The following PARP11 variants were observed in gnomAD, a reference collection of about 807,000 sequenced individuals.
The protein encoded by PARP11 is poly(ADP-ribose) polymerase family member 11.
A neutral mutation model predicts 42.9 loss-of-function variants in PARP11; 31 were observed. The ratio of observed to expected loss-of-function variants is 0.72; its 90% CI spans 0.54 to 0.98. The LOEUF is 0.98. PARP11 is among the 50% of genes least tolerant of loss of function. PARP11 has a pLI of 0.00. For synonymous variants in PARP11, 137 were observed against 127.3 expected, an observed-to-expected ratio of 1.08 and a Z score of -0.51; for missense variants, 365 against 413.1, an observed-to-expected ratio of 0.88 and a Z score of 1.01.
At chr12:3,841,267 C>G (rs749404761) in intron 1 of PARP11, 1 of 1,344,866 alleles carries the variant, frequency 7.4e-7, no homozygotes, top group Non-Finnish European at 1.1e-6. Flanking sequence ...TAAGAATATT[C>G]TTCGATTCTT....
At chr12:3,867,785 G>A (rs1948416125) in intron 1 of PARP11, among the ~76,000 whole-genome samples, 2 of 152,122 alleles carry the variant, frequency 1.3e-5, no homozygotes, top group Admixed American at 1.3e-4. Context: ...GTCAAAAAAT[G>A]ACTTAAGAAT....
At chr12:3,815,560 A>G (rs1388890221) in intron 6 of PARP11, among the ~76,000 whole-genome samples, 1 of 152,222 alleles carries the variant, frequency 6.6e-6, no homozygotes, top group Non-Finnish European at 1.5e-5. Context: ...GTTAACAAGA[A>G]TCTGCTGGAT....
At chr12:3,849,318 G>GA (rs977239176) in intron 1 of PARP11, among the ~76,000 whole-genome samples, 4 of 151,690 alleles carry the variant, frequency 2.6e-5, no homozygotes, top group Admixed American at 6.6e-5. Flanking sequence ...ATACCTAAAA[G>GA]AAAAAAAATC....
intron 1 of PARP11, among the ~76,000 whole-genome samples, chr12:3,847,651 C>T (rs1240417564): frequency 1.3e-5 from 2 of 152,100 alleles, no homozygotes; most frequent in South Asian, 2.1e-4. Flanking sequence ...CCTCAACAAA[C>T]TGGATATAGA....
At position 3,812,348 on chromosome 12, in the gene PARP11, G is replaced by A. The variant is rs1228720017; in HGVS notation, c.792C>T (p.Ser264=). 1 of 1,614,108 alleles carries A rather than the reference G, an allele frequency of 6.2e-7. No homozygotes were observed. The highest frequency in any genetic ancestry group is 1.7e-5 in the Admixed American group (1 of 60,028). Residue 264 remains serine, a synonymous_variant, in exon 8 of 8, where the codon AGC becomes AGT. Transcript: ENST00000228820. ...TTCTAAACAGATGCCGCTGTTGCAA[G>A]CTGACACCATGAATTTGGAATGTGT... ...HGNTFQIHGV[S]LQQRHLFRTY... is the part of the protein sequence containing the mutation.
At chr12:3,826,587 G>C (rs567886245) in intron 3 of PARP11, among the ~76,000 whole-genome samples, 4 of 152,354 alleles carry the variant, frequency 2.6e-5, no homozygotes, top group South Asian at 4.1e-4. Context: ...ACTAGAAAGA[G>C]AGAAATTACA....
At position 3,840,561 on chromosome 12, in the gene PARP11, A is replaced by T; in HGVS notation, c.19-10543T>A. 1 of 1,568,138 alleles carries T rather than the reference A, an allele frequency of 6.4e-7. No homozygotes were observed. The highest frequency in any genetic ancestry group is 8.8e-7 in the Non-Finnish European group (1 of 1,138,296). On this transcript the variant is annotated intron_variant, in intron 1 of 7. Coordinates refer to ENST00000228820, the MANE Select transcript of PARP11 (RefSeq NM_020367.6). The surrounding 1 kb of genome is among the most constrained non-coding windows in gnomAD (Gnocchi z 4.4). ...GGACACCTTCACAGATCATAAGAAAACCTGATCGTGAAAGAGTTGAGGATT... is the reference window on the plus strand; with the variant it reads ...GGACACCTTCACAGATCATAAGAAATCCTGATCGTGAAAGAGTTGAGGATT...
chr12:3,812,984 T>A (rs930226912), intron 7 of PARP11, among the ~76,000 whole-genome samples: 8 of 152,284 alleles, frequency 5.3e-5, no homozygotes, highest in East Asian at 3.9e-4. Flanking sequence ...TATATTTTTT[T>A]AGTAGAGACA....
chr12:3,823,713 C>T (rs745425871), intron 4 of PARP11, among the ~76,000 whole-genome samples: 4 of 152,084 alleles, frequency 2.6e-5, no homozygotes, highest in African/African-American at 4.8e-5. Context: ...CTTAGGAGTT[C>T]GAGACCAGCC....
At chr12:3,829,065 T>G (rs200998166) in intron 2 of PARP11, 35 bp from the exon 3 acceptor site, 1 of 1,612,024 alleles carries the variant, frequency 6.2e-7, no homozygotes, top group Non-Finnish European at 8.5e-7. Flanking sequence ...ATTTACCAGC[T>G]GTTCACATTA....
At chr12:3,858,283 G>A (rs1006993234) in intron 1 of PARP11, among the ~76,000 whole-genome samples, 2 of 152,110 alleles carry the variant, frequency 1.3e-5, no homozygotes, top group Non-Finnish European at 2.9e-5. Context: ...TAATTAAAAT[G>A]GTTCTGAATC....
At chr12:3,836,870 A>G (rs1038011502) in intron 1 of PARP11, among the ~76,000 whole-genome samples, 7 of 152,180 alleles carry the variant, frequency 4.6e-5, no homozygotes, top group African/African-American at 1.7e-4. Flanking sequence ...TCAAGCATAC[A>G]GAAAACTTTC....
Position 3,840,150 on chromosome 12 carries a change from A to G in PARP11, c.19-10132T>C. The G allele has an allele frequency of 4.3e-6, 7 of 1,611,426 alleles. No homozygotes were observed. In the African/African-American group the frequency reaches 5.3e-5, roughly 12 times the overall value. On this transcript the variant is annotated intron_variant, in intron 1 of 7. Coordinates refer to ENST00000228820, the MANE Select transcript of PARP11 (RefSeq NM_020367.6). The surrounding 1 kb of genome is among the most constrained non-coding windows in gnomAD (Gnocchi z 4.4). Reference sequence around the variant, plus strand: ...ATTATTCCATTGCTGCTGGCTTACAATATGAAGTTGGAGACAAATGTCAAG... The same window carrying G: ...ATTATTCCATTGCTGCTGGCTTACAGTATGAAGTTGGAGACAAATGTCAAG...
chr12:3,866,892 A>G (rs1031992019), intron 1 of PARP11, among the ~76,000 whole-genome samples: 7 of 152,200 alleles, frequency 4.6e-5, no homozygotes, highest in Non-Finnish European at 2.9e-5. Flanking sequence ...AACACAATAT[A>G]GAAGAGCAAT....
In PARP11 at chr12:3,814,903, GAGAT is replaced by G. The variant is rs1044419117; in HGVS notation, c.549-719_549-716del. On this transcript the variant is annotated intron_variant, in intron 6 of 7. Transcript: ENST00000228820. ...GAATGTAAAAAGAATTTTGCAAAAA[GAGAT>G]AGAGAACTCAAAATAATACTGTGTA... 24 of 286,616 alleles carry G rather than the reference GAGAT, an allele frequency of 8.4e-5. 1 individual carries two copies. Among genetic ancestry groups the G allele is most frequent in the Admixed American group, 3.8e-4 (9 of 23,468 alleles). 17.8% of individuals were successfully genotyped at this position (286,616 alleles called of 1,614,324 possible).
Position 3,810,717 on chromosome 12 carries a change from AGAGAAAGAGAAAGAGAAAGAG to A in PARP11, c.*1385_*1405del, listed in dbSNP as rs1947157041. On this transcript the variant is annotated 3_prime_UTR_variant, in exon 8 of 8. Coordinates refer to ENST00000228820, the MANE Select transcript of PARP11 (RefSeq NM_020367.6). ...AAGGAAGGAAGAGAGAGAGAAGAGA[AGAGAAAGAGAAAGAGAAAGAG>A]GAAGAGAAAAAGGAAGAGAGAGAAA... 1 of 122,902 alleles carries A rather than the reference AGAGAAAGAGAAAGAGAAAGAG, an allele frequency of 8.1e-6. No individual in the cohort carries two copies. The highest frequency in any genetic ancestry group is 2.0e-5 in the Non-Finnish European group (1 of 50,744). The allele number at this position is 122,902 out of a possible 1,614,324, so 7.6% of individuals were successfully genotyped here.
intron 6 of PARP11, among the ~76,000 whole-genome samples, chr12:3,817,788 TG>T (rs1346351620): frequency 6.6e-6 from 1 of 152,154 alleles, no homozygotes; most frequent in Non-Finnish European, 1.5e-5. Context: ...AAAATAAATT[TG>T]CCTAGATTTA....
chr12:3,858,727 T>C (rs1948237507), intron 1 of PARP11, among the ~76,000 whole-genome samples: 1 of 152,166 alleles, frequency 6.6e-6, no homozygotes, highest in African/African-American at 2.4e-5. Flanking sequence ...CACTGCTTAG[T>C]TATCCTGAAC....
Position 3,821,959 on chromosome 12 carries a change from A to G in PARP11, c.462T>C (p.Ala154=), listed in dbSNP as rs1947403622. Residue 154 remains alanine (A), a synonymous_variant, in exon 6 of 8, where the codon GCT becomes GCC. Coordinates refer to ENST00000228820, the MANE Select transcript of PARP11 (RefSeq NM_020367.6). ...HNQTHEYNEV[A]NLFGKTMDRN... is the part of the protein sequence containing the mutation. Reference sequence around the variant, plus strand: ...GATCCATCGTCTTCCCAAAGAGATTAGCAACTTCATTATATTCATGTGTTT... The same window carrying G: ...GATCCATCGTCTTCCCAAAGAGATTGGCAACTTCATTATATTCATGTGTTT... 1 of 1,610,726 alleles carries G rather than the reference A, an allele frequency of 6.2e-7. No homozygotes were observed. Among genetic ancestry groups the G allele is most frequent in the African/African-American group, 1.3e-5 (1 of 74,628 alleles).
Sources: gnomAD v4.1 joint callset for allele counts (sites outside exome capture counted in the v4.1 genomes callset) on GRCh38, gnomAD v4.1.1 for gene constraint, Gnocchi (gnomAD v3.1) non-coding constraint, MANE v1.5 for transcripts, NCBI Gene and HGNC (gene_info 2026-07-23, HGNC 2026-07-21) for gene names.